DLC1: variants seen among roughly 807,000 people sequenced by gnomAD.
DLC1 encodes DLC1 Rho GTPase activating protein.
A neutral mutation model predicts 140.3 loss-of-function variants in DLC1; 54 were observed. That is an observed-to-expected ratio of 0.38 (90% confidence interval 0.31 to 0.48). The LOEUF (loss-of-function observed/expected upper bound fraction) is 0.48. Ranked by LOEUF, DLC1 falls within the 20% of genes least tolerant of loss-of-function variation. The pLI is 0.96. For missense variants in DLC1, 2,536 were observed against 1,907.0 expected (o/e 1.33, Z -6.14); for synonymous variants, 986 against 728.1 (o/e 1.35, Z -5.70).
intron 1 of DLC1, among the ~76,000 whole-genome samples, chr8:13,533,648 C>G (rs903856584): frequency 6.6e-6 from 1 of 152,140 alleles, no homozygotes; most frequent in South Asian, 2.1e-4. Flanking sequence ...TATTTCCAAA[C>G]AAGATGCTTA....
intron 5 of DLC1, among the ~76,000 whole-genome samples, chr8:13,253,739 G>C (rs1338509022): frequency 6.6e-6 from 1 of 152,170 alleles, no homozygotes; most frequent in African/African-American, 2.4e-5. Flanking sequence ...AGTGGGCTTA[G>C]GAAGAGGAGG....
At chr8:13,463,176 C>T (rs936004541) in intron 2 of DLC1, among the ~76,000 whole-genome samples, 1 of 151,920 alleles carries the variant, frequency 6.6e-6, no homozygotes, top group Non-Finnish European at 1.5e-5. Context: ...AACTACACAA[C>T]AGACTTACCT....
rs770652171 is a variant in DLC1, at chr8:13,091,365, T to A, written c.3808A>T (p.Thr1270Ser). ...GCGATCATATGGGCCAGCCCTTGAG[T>A]GGCAGCTAGGTTTTCATTCAAATCT... ...QKDLNENLAA[T>S]QGLAHMIAEC... is the part of the protein sequence containing the mutation. The change falls in exon 14 of 18, where the codon ACT (threonine) becomes TCT (serine). Residue 1270 changes from threonine (T) to serine (S), a missense_variant. Transcript: ENST00000276297. 1.2e-6 allele frequency: 2 copies of A among 1,614,056 alleles called. No individual in the cohort carries two copies. The highest frequency in any genetic ancestry group is 2.7e-5 in the African/African-American group (2 of 74,934).
At chr8:13,379,537 T>C (rs1022365353) in intron 4 of DLC1, among the ~76,000 whole-genome samples, 6 of 152,242 alleles carry the variant, frequency 3.9e-5, no homozygotes, top group Non-Finnish European at 7.3e-5. Context: ...TTGAATACTC[T>C]ATTGAAAACA....
intron 1 of DLC1, among the ~76,000 whole-genome samples, chr8:13,591,076 A>C (rs572363673): frequency 6.6e-6 from 1 of 152,264 alleles, no homozygotes; most frequent in Non-Finnish European, 1.5e-5. Flanking sequence ...AGAAAAAGAA[A>C]CAGGTCACAG....
intron 7 of DLC1, among the ~76,000 whole-genome samples, chr8:13,105,319 C>T (rs1585635291): frequency 6.6e-6 from 1 of 152,292 alleles, no homozygotes; most frequent in Admixed American, 6.5e-5. Context: ...ATGTACTCTG[C>T]TGGGACCTTA....
chr8:13,479,174 G>A (rs1456392748), intron 2 of DLC1, among the ~76,000 whole-genome samples: 1 of 152,182 alleles, frequency 6.6e-6, no homozygotes, highest in Non-Finnish European at 1.5e-5. Flanking sequence ...CTGGAAGAGT[G>A]CTCAGTACAT....
At chr8:13,185,504 T>G (rs564450413) in intron 5 of DLC1, among the ~76,000 whole-genome samples, 1 of 152,050 alleles carries the variant, frequency 6.6e-6, no homozygotes, top group Non-Finnish European at 1.5e-5. Context: ...AGACAGGATT[T>G]CACTGTGTTA....
chr8:13,275,433 A>G (rs1831120993), intron 5 of DLC1, among the ~76,000 whole-genome samples: 2 of 152,264 alleles, frequency 1.3e-5, no homozygotes, highest in Admixed American at 1.3e-4. Context: ...TTAAGAAAAC[A>G]TAGTCTTTGA....
intron 1 of DLC1, among the ~76,000 whole-genome samples, chr8:13,580,511 A>C (rs993924355): frequency 2.0e-5 from 3 of 152,160 alleles, no homozygotes; most frequent in Non-Finnish European, 4.4e-5. Flanking sequence ...TTAGCAGGCA[A>C]AGCAAGAGCC....
chr8:13,332,365 A>G (rs1424498403), intron 4 of DLC1, among the ~76,000 whole-genome samples: 1 of 152,030 alleles, frequency 6.6e-6, no homozygotes, highest in East Asian at 1.9e-4. Flanking sequence ...GAATGACCAG[A>G]GCACACATAG....
In DLC1 at chr8:13,102,122, C is replaced by T. The variant is rs1819143804; in HGVS notation, c.1566+668G>A. 2.0e-5 allele frequency among the ~76,000 whole-genome samples: 3 copies of T among 152,298 alleles called. No homozygotes were observed. In the South Asian group the frequency reaches 6.2e-4, roughly 32 times the overall value. ...ATAATTAAAATTTGAACCCGGAAGT[C>T]AGAAATATGTTCTTTGACCAGACTC... On this transcript the variant is annotated intron_variant, in intron 8 of 17. Transcript: ENST00000276297.
chr8:13,192,924 C>A (rs1470862141), intron 5 of DLC1, among the ~76,000 whole-genome samples: 1 of 152,188 alleles, frequency 6.6e-6, no homozygotes. Context: ...AAATAAATTT[C>A]AGTTGTTTGA....
At chr8:13,135,430 C>T (rs1822490237) in intron 5 of DLC1, among the ~76,000 whole-genome samples, 1 of 152,066 alleles carries the variant, frequency 6.6e-6, no homozygotes, top group Non-Finnish European at 1.5e-5. Context: ...ATCCGCCTAC[C>T]TCAGCCTCCC....
At chr8:13,230,744 C>T (rs1175891661) in intron 5 of DLC1, among the ~76,000 whole-genome samples, 1 of 151,506 alleles carries the variant, frequency 6.6e-6, no homozygotes, top group Non-Finnish European at 1.5e-5. Context: ...TTACAAGAGC[C>T]CACCACCATG....
chr8:13,119,116 C>G (rs1489927522), intron 5 of DLC1, among the ~76,000 whole-genome samples: 1 of 151,406 alleles, frequency 6.6e-6, no homozygotes, highest in Admixed American at 6.6e-5. Flanking sequence ...GTTGTCTCAG[C>G]TACTTGAGGG....
At chr8:13,148,322 C>G (rs189940287) in intron 5 of DLC1, among the ~76,000 whole-genome samples, 1 of 152,276 alleles carries the variant, frequency 6.6e-6, no homozygotes, top group East Asian at 1.9e-4. Context: ...GTCTCTTGTT[C>G]CCTTCTTTGT....
chr8:13,594,866 T>C (rs1805633303), intron 1 of DLC1, among the ~76,000 whole-genome samples: 1 of 152,024 alleles, frequency 6.6e-6, no homozygotes, highest in Admixed American at 6.6e-5. Flanking sequence ...ATGCAAGGCA[T>C]GTATAAGTTA....
chr8:13,089,220 G>A (rs939183914), intron 15 of DLC1, among the ~76,000 whole-genome samples: 7 of 151,900 alleles, frequency 4.6e-5, no homozygotes, highest in Non-Finnish European at 1.0e-4. Flanking sequence ...TCACACCACT[G>A]CACTCCAGCC....
Sources: gnomAD v4.1 joint callset for allele counts (sites outside exome capture counted in the v4.1 genomes callset) on GRCh38, gnomAD v4.1.1 for gene constraint, MANE v1.5 for transcripts, NCBI Gene and HGNC (gene_info 2026-07-23, HGNC 2026-07-21) for gene names.